DNAH10: variants seen among roughly 807,000 people sequenced by gnomAD.
The protein encoded by DNAH10 is axonemal beta dynein heavy chain 10.
DNAH10 carries 348 observed loss-of-function variants against 506.6 expected under a neutral mutation model. The ratio of observed to expected loss-of-function variants is 0.69; its 90% CI spans 0.63 to 0.75. The LOEUF (loss-of-function observed/expected upper bound fraction) is 0.75, where lower values mean the gene tolerates loss of function less well. DNAH10 is among the 30% of genes least tolerant of loss of function. DNAH10 has a pLI of 0.00. For missense variants in DNAH10, 5,179 were observed against 5,787.1 expected, an observed-to-expected ratio of 0.89 and a Z score of 3.41; for synonymous variants, 2,059 against 2,198.6, an observed-to-expected ratio of 0.94 and a Z score of 1.78.
In DNAH10 at chr12:123,846,135, T is replaced by C; in HGVS notation, c.5795T>C (p.Ile1932Thr). The C allele has an allele frequency of 6.2e-7, 1 of 1,613,196 alleles. No homozygotes were observed. Among genetic ancestry groups the C allele is most frequent in the Non-Finnish European group, 8.5e-7 (1 of 1,179,600 alleles). ...GTCATCACGCCCCTCACCGATCGGA[T>C]TTACCTGACGCTCACCCAGGTGACT... Reference protein sequence around the residue: ...RLVITPLTDRIYLTLTQALSM... With the variant: ...RLVITPLTDRTYLTLTQALSM... Residue 1932 changes from isoleucine to threonine, a missense_variant, in exon 32 of 79, where the codon ATT (isoleucine) becomes ACT (threonine). Coordinates refer to ENST00000673944, the MANE Select transcript of DNAH10 (RefSeq NM_001372106.1). This position sits in a 1 kb window ranked among gnomAD's most constrained non-coding sequence, Gnocchi z 4.5.
chr12:123,933,614 C>T, intron 77 of DNAH10, 103 bp downstream of exon 77: 1 of 1,372,266 alleles, frequency 7.3e-7, no homozygotes, highest in Non-Finnish European at 9.8e-7. Flanking sequence ...CTAAATGGGC[C>T]AGGCCATGTT....
At position 123,917,786 on chromosome 12, in the gene DNAH10, G is replaced by A. The variant is rs911860871; in HGVS notation, c.11205G>A (p.Leu3735=). 2.5e-6 allele frequency: 4 copies of A among 1,575,236 alleles called. No homozygotes were observed. The highest frequency in any genetic ancestry group is 2.6e-6 in the Non-Finnish European group (3 of 1,160,746). ...MLDNVDLVHT[L]EETKSKATEV... Reference sequence around the variant, plus strand: ...ACAATGTGGACCTGGTGCACACCCTGGAGGAGACCAAATCCAAGGCAACAG... The same window carrying A: ...ACAATGTGGACCTGGTGCACACCCTAGAGGAGACCAAATCCAAGGCAACAG... The change falls in exon 64 of 79, where the codon CTG becomes CTA. Residue 3735 remains leucine (L), a synonymous_variant. Transcript: ENST00000673944. The surrounding 1 kb of genome is among the most constrained non-coding windows in gnomAD (Gnocchi z 5.6).
At chr12:123,865,495 AT>A (rs1002169724) in intron 40 of DNAH10, among the ~76,000 whole-genome samples, 2 of 151,626 alleles carry the variant, frequency 1.3e-5, no homozygotes, top group African/African-American at 2.4e-5. Flanking sequence ...ACTGAACTAT[AT>A]TTTTTTTGTA....
chr12:123,774,042 C>A (rs1957350468), intron 4 of DNAH10, 107 bp from the exon 5 acceptor site: 3 of 748,060 alleles, frequency 4.0e-6, no homozygotes, highest in South Asian at 1.8e-5. Flanking sequence ...CCAGAACATT[C>A]CTTGTAGCAG....
chr12:123,875,539 G>A (rs1594260013), intron 47 of DNAH10, 48 bp downstream of exon 47: 1 of 1,606,576 alleles, frequency 6.2e-7, no homozygotes, highest in East Asian at 2.2e-5. Flanking sequence ...CTTGTGTTGG[G>A]GGGAAACATA....
chr12:123,923,811 A>G lies in DNAH10; in HGVS notation c.11555A>G (p.Lys3852Arg). 1.2e-6 allele frequency: 2 copies of G among 1,613,022 alleles called. No individual in the cohort carries two copies. Among genetic ancestry groups the G allele is most frequent in the Non-Finnish European group, 8.5e-7 (1 of 1,179,696 alleles). Residue 3852 changes from lysine to arginine, a missense_variant, in exon 66 of 79, where the codon AAG becomes AGG. Lys to Arg is a conservative substitution (Grantham distance 26). Around this residue, in one of 3 missense-constraint regions of DNAH10, gnomAD observed 4,844 missense variants for 5,430.5 expected, o/e 0.89. Coordinates refer to ENST00000673944, the MANE Select transcript of DNAH10 (RefSeq NM_001372106.1). ...KLLFSFNMTIKIEQAEGRVPQ... is the reference protein window; with the variant it reads ...KLLFSFNMTIRIEQAEGRVPQ... ...CTCTTTTCTTTTAATATGACCATCA[A>G]GATAGAACAAGCAGAAGGGAGAGTC...
In DNAH10 at chr12:123,909,371, C is replaced by T. The variant is rs983736818; in HGVS notation, c.9926C>T (p.Pro3309Leu). The T allele has an allele frequency of 1.7e-5, 27 of 1,611,538 alleles. No individual in the cohort carries two copies. Among genetic ancestry groups the T allele is most frequent in the African/African-American group, 6.7e-5 (5 of 74,892 alleles). ...WKTAKGVMSD[P>L]NFLRSLMEID... The stretch of plus-strand genomic sequence containing the variant: ...ACAGCCAAGGGCGTGATGTCCGACC[C>T]GAATTTCCTGCGGTCTCTGATGGAG... The change falls in exon 58 of 79, where the codon CCG becomes CTG. Residue 3309 changes from proline (P) to leucine (L), a missense_variant. This residue lies in a region of DNAH10 where 4,844 missense variants were observed against 5,430.5 expected (regional missense o/e 0.89). Transcript: ENST00000673944. The surrounding 1 kb of genome is among the most constrained non-coding windows in gnomAD (Gnocchi z 5.4).
At chr12:123,779,980 C>T (rs1302819324) in intron 5 of DNAH10, among the ~76,000 whole-genome samples, 2 of 152,126 alleles carry the variant, frequency 1.3e-5, no homozygotes, top group African/African-American at 4.8e-5. Flanking sequence ...TAAGTTGTTT[C>T]GTAATTGTAT....
At chr12:123,918,585 G>A in intron 64 of DNAH10, 91 bp from the exon 65 acceptor site, 1 of 1,465,412 alleles carries the variant, frequency 6.8e-7, no homozygotes, top group Non-Finnish European at 9.1e-7. Context: ...CTGAAGCATT[G>A]TACATACCTC....
chr12:123,918,542 G>T, intron 64 of DNAH10, 134 bp from the exon 65 acceptor site: 1 of 1,121,148 alleles, frequency 8.9e-7, no homozygotes. Flanking sequence ...GGGTGCCCTC[G>T]CTCCCCTGCA....
chr12:123,892,437 C>A (rs139610510), intron 52 of DNAH10, among the ~76,000 whole-genome samples: 1 of 152,138 alleles, frequency 6.6e-6, no homozygotes, highest in Non-Finnish European at 1.5e-5. Flanking sequence ...GAGATCTGCC[C>A]CCATCATCCA....
chr12:123,800,915 G>A (rs1958459269), intron 15 of DNAH10, among the ~76,000 whole-genome samples: 1 of 151,998 alleles, frequency 6.6e-6, no homozygotes, highest in Non-Finnish European at 1.5e-5. Context: ...TACTTGGGAG[G>A]CTGAGGCAGG....
chr12:123,817,807 A>AT (rs1248565570), intron 21 of DNAH10, among the ~76,000 whole-genome samples: 2 of 152,152 alleles, frequency 1.3e-5, no homozygotes, highest in African/African-American at 2.4e-5. Context: ...GAGGAGATTT[A>AT]TTTTTGCTTC....
intron 25 of DNAH10, among the ~76,000 whole-genome samples, chr12:123,828,692 G>A (rs961462257): frequency 1.3e-5 from 2 of 152,148 alleles, no homozygotes; most frequent in Non-Finnish European, 2.9e-5. Context: ...CTCCCTCTGT[G>A]CCTGAGCTGT....
At chr12:123,845,229 C>T (rs1027637673) in intron 30 of DNAH10, among the ~76,000 whole-genome samples, 16 of 152,122 alleles carry the variant, frequency 1.1e-4, no homozygotes, top group Admixed American at 2.0e-4. Flanking sequence ...GAACTCCTGG[C>T]TTCAAGTGAT....
At chr12:123,821,039 C>G (rs1341750677) in intron 24 of DNAH10, among the ~76,000 whole-genome samples, 1 of 152,142 alleles carries the variant, frequency 6.6e-6, no homozygotes, top group Non-Finnish European at 1.5e-5. Context: ...CACCTGCGGT[C>G]AGGAGTTCGA....
In DNAH10 at chr12:123,790,049, C is replaced by T. The variant is rs754937876; in HGVS notation, c.1743C>T (p.Thr581=). 1 of 1,614,098 alleles carries T rather than the reference C, an allele frequency of 6.2e-7. No homozygotes were observed. The highest frequency in any genetic ancestry group is 8.5e-7 in the Non-Finnish European group (1 of 1,180,000). ...DGLVTPMENL[T]FDPFSIKSSQ... ...TAGTCACCCCCATGGAAAACCTGAC[C>T]TTTGACCCCTTCAGCATCAAGTCCT... The change falls in exon 11 of 79, where the codon ACC becomes ACT. Residue 581 remains threonine, a synonymous_variant. Coordinates refer to ENST00000673944, the MANE Select transcript of DNAH10 (RefSeq NM_001372106.1).
Position 123,898,747 on chromosome 12 carries a change from C to G in DNAH10, c.9573C>G (p.Ile3191Met), listed in dbSNP as rs199815884. ...ACCAGAAGCTGGCCGAGCAGAAGATCGTGCTGGCGGAGAAGTCCGCCGCCT... is the reference window on the plus strand; with the variant it reads ...ACCAGAAGCTGGCCGAGCAGAAGATGGTGCTGGCGGAGAAGTCCGCCGCCT... Reference protein sequence around the residue: ...ELNQKLAEQKIVLAEKSAACE... With the variant: ...ELNQKLAEQKMVLAEKSAACE... Residue 3191 changes from isoleucine to methionine, a missense_variant, in exon 56 of 79, where the codon ATC (isoleucine) becomes ATG (methionine). Physicochemically the swap from Ile to Met is conservative, Grantham distance 10 (BLOSUM62 1). This residue lies in a region of DNAH10 where 4,844 missense variants were observed against 5,430.5 expected (regional missense o/e 0.89). Transcript: ENST00000673944. 2.7e-4 allele frequency: 433 copies of G among 1,611,764 alleles called. 1 individual carries two copies. The South Asian group carries it at 2.8e-3, about 11-fold the overall frequency.
chr12:123,840,637 T>C (rs1950741445), intron 29 of DNAH10, among the ~76,000 whole-genome samples: 1 of 152,158 alleles, frequency 6.6e-6, no homozygotes, highest in African/African-American at 2.4e-5. Flanking sequence ...AATACTTCAT[T>C]TACTGTTCGC....
Sources: gnomAD v4.1 joint callset for allele counts (sites outside exome capture counted in the v4.1 genomes callset) on GRCh38, gnomAD v4.1.1 for gene constraint, gnomAD v4.1.1 regional missense constraint, Gnocchi (gnomAD v3.1) non-coding constraint, MANE v1.5 for transcripts, NCBI Gene and HGNC (gene_info 2026-07-23, HGNC 2026-07-21) for gene names.